The following USH2A variants were observed in gnomAD, a reference collection of about 807,000 sequenced individuals.
USH2A encodes usherin, also known as Usher syndrome 2A (autosomal recessive, mild).
A neutral mutation model predicts 538.9 loss-of-function variants in USH2A; 443 were observed. The observed-to-expected ratio is 0.82, with a 90% confidence interval of 0.76 to 0.89. The LOEUF is 0.89. Ranked by LOEUF, USH2A falls within the 40% of genes least tolerant of loss-of-function variation. The pLI, the probability that USH2A is intolerant of heterozygous loss-of-function variation, is 0.00. For missense variants in USH2A, 6,633 were observed against 6,324.8 expected, an observed-to-expected ratio of 1.05 and a Z score of -1.65; for synonymous variants, 2,413 against 2,273.5, an observed-to-expected ratio of 1.06 and a Z score of -1.75.
At chr1:215,907,694 T>C (rs1665675644) in intron 38 of USH2A, among the ~76,000 whole-genome samples, 1 of 152,076 alleles carries the variant, frequency 6.6e-6, no homozygotes, top group Admixed American at 6.6e-5. Context: ...TATAGATAGC[T>C]GACCATACCA....
chr1:215,721,199 A>G (rs1659647941), intron 61 of USH2A, among the ~76,000 whole-genome samples: 1 of 152,134 alleles, frequency 6.6e-6, no homozygotes, highest in Admixed American at 6.5e-5. Flanking sequence ...CTCAGCCTCC[A>G]GAGTGGCTGG....
At chr1:215,718,800 T>C (rs1012819213) in intron 61 of USH2A, among the ~76,000 whole-genome samples, 2 of 152,148 alleles carry the variant, frequency 1.3e-5, no homozygotes, top group Non-Finnish European at 2.9e-5. Flanking sequence ...AAGAGCAGAG[T>C]AGTTCAATTA....
chr1:215,678,981 T>C (rs906807584), intron 62 of USH2A, among the ~76,000 whole-genome samples: 1 of 152,208 alleles, frequency 6.6e-6, no homozygotes, highest in African/African-American at 2.4e-5. Flanking sequence ...TCTTTTCTGA[T>C]GGGTGCCTTG....
intron 2 of USH2A, among the ~76,000 whole-genome samples, chr1:216,420,461 C>T (rs1421725575): frequency 6.6e-6 from 1 of 152,018 alleles, no homozygotes; most frequent in East Asian, 1.9e-4. Flanking sequence ...CTAGTGCAAA[C>T]ACCCCGAAAT....
intron 32 of USH2A, among the ~76,000 whole-genome samples, chr1:216,033,682 C>T (rs1445505205): frequency 6.6e-6 from 1 of 152,052 alleles, no homozygotes; most frequent in East Asian, 1.9e-4. Flanking sequence ...GAAACCTCAT[C>T]TCTACAAAAA....
Position 215,625,062 on chromosome 1 carries a change from A to T in USH2A, c.*719T>A, listed in dbSNP as rs186226943. 4.7e-4 allele frequency: 72 copies of T among 152,362 alleles called. No individual in the cohort carries two copies. The highest frequency in any genetic ancestry group is 1.7e-3 in the African/African-American group (72 of 41,574). 9.4% of individuals were successfully genotyped at this position (152,362 alleles called of 1,614,324 possible). A position where few individuals can be genotyped will look rare whatever the true frequency, so the allele number is the denominator to read the frequency against. ...TAGTGAAACACTTTGTTTTCTCCTCAAAATGTATAAATAAGCTGTTTACTC... is the reference window on the plus strand; with the variant it reads ...TAGTGAAACACTTTGTTTTCTCCTCTAAATGTATAAATAAGCTGTTTACTC... On this transcript the variant is annotated 3_prime_UTR_variant, in exon 72 of 72. Coordinates refer to ENST00000307340, the MANE Select transcript of USH2A (RefSeq NM_206933.4).
intron 35 of USH2A, among the ~76,000 whole-genome samples, chr1:215,982,870 G>A (rs1056295108): frequency 2.6e-5 from 4 of 152,168 alleles, no homozygotes; most frequent in Admixed American, 2.0e-4. Context: ...GATAGAGAAG[G>A]GAGAGGTGGA....
chr1:215,709,956 G>A (rs1198690102), intron 61 of USH2A, among the ~76,000 whole-genome samples: 1 of 152,206 alleles, frequency 6.6e-6, no homozygotes, highest in East Asian at 1.9e-4. Flanking sequence ...GAAGACCGAT[G>A]CACATACAAG....
chr1:215,827,399 G>T lies in USH2A; in HGVS notation c.9372-10204C>A, dbSNP rs143472627. Among the ~76,000 whole-genome samples the T allele has an allele frequency of 7.5e-3, 1,140 of 152,262 alleles. 17 individuals carry two copies. The highest frequency in any genetic ancestry group is 0.026 in the African/African-American group (1,080 of 41,548). ...GCTGTTTCTATGGGAGCTACAAGAG[G>T]TAAAGAAGTTAGGAGGAGTTTGGGA... On this transcript the variant is annotated intron_variant, in intron 47 of 71. Coordinates refer to ENST00000307340, the MANE Select transcript of USH2A (RefSeq NM_206933.4).
At chr1:215,637,244 C>T (rs923964788) in intron 69 of USH2A, among the ~76,000 whole-genome samples, 7 of 152,118 alleles carry the variant, frequency 4.6e-5, no homozygotes, top group African/African-American at 1.2e-4. Context: ...CTTGGTTTTC[C>T]GGCATCACTC....
At chr1:215,775,817 A>G (rs1661446151) in intron 55 of USH2A, among the ~76,000 whole-genome samples, 1 of 152,254 alleles carries the variant, frequency 6.6e-6, no homozygotes, top group Non-Finnish European at 1.5e-5. Flanking sequence ...TTTAGCACAC[A>G]AAGTTTTCAT....
chr1:216,210,749 G>T (rs1253597600), intron 15 of USH2A, among the ~76,000 whole-genome samples: 1 of 151,958 alleles, frequency 6.6e-6, no homozygotes, highest in Non-Finnish European at 1.5e-5. Flanking sequence ...ATAAAGGGTC[G>T]AGGCGGGCGG....
At chr1:215,703,983 C>T (rs985724985) in intron 61 of USH2A, among the ~76,000 whole-genome samples, 7 of 152,294 alleles carry the variant, frequency 4.6e-5, no homozygotes, top group South Asian at 2.1e-4. Flanking sequence ...TGGGTTGTGA[C>T]GACTGTAGGA....
At chr1:216,171,994 C>A (rs1240647838) in intron 21 of USH2A, among the ~76,000 whole-genome samples, 2 of 151,902 alleles carry the variant, frequency 1.3e-5, no homozygotes, top group Admixed American at 1.3e-4. Context: ...AAAAATAGGT[C>A]CCAAAATAGC....
At chr1:215,814,924 C>G (rs1005802010) in intron 48 of USH2A, among the ~76,000 whole-genome samples, 1 of 152,118 alleles carries the variant, frequency 6.6e-6, no homozygotes, top group Non-Finnish European at 1.5e-5. Flanking sequence ...CCAGGTCTTA[C>G]GTTCACTGGG....
At chr1:216,156,952 C>T (rs2033958242) in intron 21 of USH2A, among the ~76,000 whole-genome samples, 1 of 151,650 alleles carries the variant, frequency 6.6e-6, no homozygotes, top group Admixed American at 6.6e-5. Flanking sequence ...TGGCTCACTG[C>T]AACCCCTGCC....
In USH2A at chr1:215,743,447, A is replaced by T. The variant is rs7551312; in HGVS notation, c.11390-112T>A. The T allele has an allele frequency of 7.1e-4, 164 of 232,432 alleles. 7 individuals are homozygous for T. Among genetic ancestry groups the T allele is most frequent in the African/African-American group, 2.7e-3 (77 of 28,138 alleles). The allele number at this position is 232,432 out of a possible 1,614,324, so 14.4% of individuals were successfully genotyped here. ...ATATATAGACACACATATATATATA[A>T]ATAAATATATATAGACACACATATA... On this transcript the variant is annotated intron_variant, in intron 58 of 71. Transcript: ENST00000307340.
At chr1:216,010,141 A>C (rs568157055) in intron 32 of USH2A, among the ~76,000 whole-genome samples, 1 of 152,282 alleles carries the variant, frequency 6.6e-6, no homozygotes, top group African/African-American at 2.4e-5. Flanking sequence ...AAGGTGTACA[A>C]TAATAGAAAA....
chr1:216,003,704 C>T (rs1400690203), intron 32 of USH2A, among the ~76,000 whole-genome samples: 1 of 152,028 alleles, frequency 6.6e-6, no homozygotes, highest in African/African-American at 2.4e-5. Flanking sequence ...AATGAGGGGT[C>T]AGTTCATGCA....
Sources: allele counts gnomAD v4.1 joint callset (sites outside exome capture counted in the v4.1 genomes callset), GRCh38; gene constraint gnomAD v4.1.1; transcripts MANE v1.5; gene names NCBI Gene and HGNC (gene_info 2026-07-23, HGNC 2026-07-21).